Variants in HCN1 observed in about 807,000 individuals in gnomAD.
HCN1 encodes the protein potassium/sodium hyperpolarization-activated cyclic nucleotide-gated channel 1.
In HCN1, 13 loss-of-function variants were observed where a neutral mutation model predicts 78.9. The ratio of observed to expected loss-of-function variants is 0.16; its 90% CI spans 0.11 to 0.26. HCN1 has a LOEUF of 0.26. Among genes scored for constraint, HCN1 ranks in the 10% least tolerant of loss-of-function variants. The pLI, the probability that HCN1 is intolerant of heterozygous loss-of-function variation, is 1.00. For missense variants in HCN1, 810 were observed against 1,154.3 expected (o/e 0.70, Z 4.32); for synonymous variants, 552 against 455.5 (o/e 1.21, Z -2.70).
intron 2 of HCN1, among the ~76,000 whole-genome samples, chr5:45,488,080 C>G (rs1378116107): frequency 6.6e-6 from 1 of 151,972 alleles, no homozygotes; most frequent in Non-Finnish European, 1.5e-5. Context: ...AACATCTGCC[C>G]TTATTCCTTG....
At chr5:45,580,770 T>C (rs977234319) in intron 2 of HCN1, among the ~76,000 whole-genome samples, 2 of 152,126 alleles carry the variant, frequency 1.3e-5, no homozygotes, top group African/African-American at 4.8e-5. Flanking sequence ...TTCCCACCTA[T>C]GAGTGAGAAC....
Position 45,492,567 on chromosome 5 carries a change from C to T in HCN1, c.850-30560G>A, listed in dbSNP as rs370392887. Among the ~76,000 whole-genome samples the T allele has an allele frequency of 3.0e-5, 4 of 134,316 alleles. No homozygotes were observed. In the South Asian group the frequency reaches 7.1e-4, roughly 24 times the overall value. 88.1% of individuals were successfully genotyped at this position (134,316 alleles called of 152,430 possible). A position where few individuals can be genotyped will look rare whatever the true frequency, so the allele number is the denominator to read the frequency against. On this transcript the variant is annotated intron_variant, in intron 2 of 7. Coordinates refer to ENST00000303230, the MANE Select transcript of HCN1 (RefSeq NM_021072.4). Reference sequence around the variant, plus strand: ...CAAGAGCCTTGCTCTGTCGCCCAGGCTGGCACTCACTGCAACCTCCACCTC... The same window carrying T: ...CAAGAGCCTTGCTCTGTCGCCCAGGTTGGCACTCACTGCAACCTCCACCTC...
intron 2 of HCN1, among the ~76,000 whole-genome samples, chr5:45,542,270 T>C (rs1358739008): frequency 1.3e-5 from 2 of 152,148 alleles, no homozygotes; most frequent in East Asian, 3.8e-4. Flanking sequence ...AAAATATAGT[T>C]TTATTCTATA....
At chr5:45,445,077 C>T (rs567761698) in intron 3 of HCN1, among the ~76,000 whole-genome samples, 66 of 152,312 alleles carry the variant, frequency 4.3e-4, no homozygotes, top group African/African-American at 1.5e-3. Context: ...CGAAACAGGG[C>T]GAGGCATTGC....
intron 5 of HCN1, among the ~76,000 whole-genome samples, chr5:45,305,218 A>AT (rs1432205723): frequency 6.6e-6 from 1 of 152,152 alleles, no homozygotes; most frequent in Non-Finnish European, 1.5e-5. Flanking sequence ...TCCAAGACTG[A>AT]GAAAGAAGGT....
Position 45,373,280 on chromosome 5 carries a change from T to A in HCN1, c.1231-20034A>T, listed in dbSNP as rs1465796799. On this transcript the variant is annotated intron_variant, in intron 4 of 7. Transcript: ENST00000303230. ...TATATTATATATTATATATATTTTA[T>A]ATTATATATTATATATATTTTATAT... Among the ~76,000 whole-genome samples, 82 of 120,246 alleles carry A rather than the reference T, an allele frequency of 6.8e-4. 1 individual carries two copies. The East Asian group carries it at 0.012, about 18-fold the overall frequency. The allele number at this position is 120,246 out of a possible 152,430, so 78.9% of individuals were successfully genotyped here.
At position 45,527,055 on chromosome 5, in the gene HCN1, TTCTCTCTC is replaced by T. The variant is rs142451723; in HGVS notation, c.850-65056_850-65049del. Among the ~76,000 whole-genome samples the T allele has an allele frequency of 1.5e-5, 2 of 129,092 alleles. 1 individual carries two copies. The highest frequency in any genetic ancestry group is 5.8e-5 in the African/African-American group (2 of 34,354). The allele number at this position is 129,092 out of a possible 152,430, so 84.7% of individuals were successfully genotyped here. On this transcript the variant is annotated intron_variant, in intron 2 of 7. Transcript: ENST00000303230. ...CATTCTCTCTCTCTTTTCTCCCTCT[TTCTCTCTC>T]TCTCTCTCTCTGTCTCTCTCACACA...
chr5:45,652,468 T>C (rs1237297491), intron 1 of HCN1, among the ~76,000 whole-genome samples: 5 of 151,976 alleles, frequency 3.3e-5, no homozygotes, highest in Non-Finnish European at 5.9e-5. Flanking sequence ...TCTACCCAAC[T>C]CTTCTTCCTT....
At chr5:45,356,027 T>C (rs541330355) in intron 4 of HCN1, among the ~76,000 whole-genome samples, 16 of 152,104 alleles carry the variant, frequency 1.1e-4, no homozygotes, top group Admixed American at 9.9e-4. Context: ...AAATATCACT[T>C]CCATGTGATG....
At chr5:45,303,885 T>C (rs1360485750) in intron 5 of HCN1, 46 bp from the exon 6 acceptor site, 1 of 1,532,532 alleles carries the variant, frequency 6.5e-7, no homozygotes, top group African/African-American at 1.4e-5. Flanking sequence ...ATATTAATCA[T>C]ATCTGGAAGA....
In HCN1 at chr5:45,342,238, CT is replaced by C. The variant is rs553095512; in HGVS notation, c.1377+10861del. Reference sequence around the variant, plus strand: ...TGAAATCTTTTCATATATTTCTTTCCTTTTTTTTTTTTTGAGATGGAGTTTT... The same window carrying C: ...TGAAATCTTTTCATATATTTCTTTCCTTTTTTTTTTTTGAGATGGAGTTTT... On this transcript the variant is annotated intron_variant, in intron 5 of 7. Transcript: ENST00000303230. Among the ~76,000 whole-genome samples the C allele has an allele frequency of 4.2e-3, 589 of 141,200 alleles. 2 individuals carry two copies. The highest frequency in any genetic ancestry group is 0.011 in the Middle Eastern group (3 of 274). 92.6% of individuals were successfully genotyped at this position (141,200 alleles called of 152,430 possible). A position where few individuals can be genotyped will look rare whatever the true frequency, so the allele number is the denominator to read the frequency against.
At chr5:45,598,319 G>C (rs913599008) in intron 2 of HCN1, among the ~76,000 whole-genome samples, 7 of 152,104 alleles carry the variant, frequency 4.6e-5, no homozygotes. Context: ...ATGGGGAAAG[G>C]ATTCCCTATT....
At chr5:45,367,842 G>A (rs1424158725) in intron 4 of HCN1, among the ~76,000 whole-genome samples, 1 of 151,878 alleles carries the variant, frequency 6.6e-6, no homozygotes, top group Non-Finnish European at 1.5e-5. Flanking sequence ...ATTGAGAGCA[G>A]CTGCTTACTA....
intron 6 of HCN1, among the ~76,000 whole-genome samples, chr5:45,277,589 T>C (rs1258447905): frequency 6.6e-6 from 1 of 152,216 alleles, no homozygotes; most frequent in African/African-American, 2.4e-5. Context: ...ATGAAACTCT[T>C]TCTCACATTA....
rs1278589412 is a variant in HCN1 at position 45,567,841 on chromosome 5, A to G, written c.849+77344T>C. ...GGATTTTGGATTCAGCCTCCTTAAC[A>G]TGATTCTTAAAGGATGTGCCTTTTG... On this transcript the variant is annotated intron_variant, in intron 2 of 7. Transcript: ENST00000303230. 2.6e-5 allele frequency among the ~76,000 whole-genome samples: 4 copies of G among 151,068 alleles called. No individual in the cohort carries two copies. In the East Asian group the frequency reaches 7.9e-4, roughly 30 times the overall value.
rs75053812 is a variant in HCN1 at position 45,578,038 on chromosome 5, T to A, written c.849+67147A>T. Among the ~76,000 whole-genome samples, 137 of 152,192 alleles carry A rather than the reference T, an allele frequency of 9.0e-4. 1 individual carries two copies. The East Asian group carries it at 0.021, about 23-fold the overall frequency. On this transcript the variant is annotated intron_variant, in intron 2 of 7. Transcript: ENST00000303230. Reference sequence around the variant, plus strand: ...ACTTACAAACCTAGCTTACTATGATTGATGACAGCAGAGTTAAGCAAAATT... The same window carrying A: ...ACTTACAAACCTAGCTTACTATGATAGATGACAGCAGAGTTAAGCAAAATT...
At chr5:45,477,576 G>A (rs949964113) in intron 2 of HCN1, among the ~76,000 whole-genome samples, 2 of 151,758 alleles carry the variant, frequency 1.3e-5, no homozygotes, top group African/African-American at 4.8e-5. Context: ...AATAAATGAG[G>A]GAAGAAGATA....
chr5:45,323,689 A>G (rs1050282350), intron 5 of HCN1, among the ~76,000 whole-genome samples: 10 of 151,888 alleles, frequency 6.6e-5, no homozygotes, highest in Admixed American at 2.6e-4. Context: ...AGCATTAGGT[A>G]TATCTCCTAA....
In HCN1 at chr5:45,261,778, A is replaced by T; in HGVS notation, c.*143T>A. On this transcript the variant is annotated 3_prime_UTR_variant, in exon 8 of 8. Transcript: ENST00000303230. ...TTATAGTATATGTATATATATTTTT[A>T]CATTTCACGTGTAGGCCACAGCTGT... 1 of 955,406 alleles carries T rather than the reference A, an allele frequency of 1.0e-6. No individual in the cohort carries two copies. The allele number at this position is 955,406 out of a possible 1,614,324, so 59.2% of individuals were successfully genotyped here.
Sources: allele counts gnomAD v4.1 joint callset (sites outside exome capture counted in the v4.1 genomes callset), GRCh38; gene constraint gnomAD v4.1.1; transcripts MANE v1.5; gene names NCBI Gene and HGNC (gene_info 2026-07-23, HGNC 2026-07-21).